XKR7: variants seen among roughly 807,000 people sequenced by gnomAD.
XKR7 encodes XK-related protein 7.
In XKR7, 11 loss-of-function variants were observed where a neutral mutation model predicts 42.2. The observed-to-expected ratio is 0.26, with a 90% confidence interval of 0.16 to 0.43. The LOEUF (loss-of-function observed/expected upper bound fraction) is 0.43, where lower values mean the gene tolerates loss of function less well. Among genes scored for constraint, XKR7 ranks in the 20% least tolerant of loss-of-function variants. The probability of loss-of-function intolerance (pLI) is 1.00; values close to 1 mark genes in which losing one functional copy is unlikely to be tolerated. For synonymous variants in XKR7, 346 were observed against 366.4 expected, an observed-to-expected ratio of 0.94 and a Z score of 0.64; for missense variants, 710 against 802.2, an observed-to-expected ratio of 0.89 and a Z score of 1.39.
chr20:31,993,179 G>T (rs2064577291), intron 1 of XKR7, among the ~76,000 whole-genome samples: 1 of 152,050 alleles, frequency 6.6e-6, no homozygotes, highest in South Asian at 2.1e-4. Flanking sequence ...AGAGTCCTCT[G>T]GTTTGCAGCA....
chr20:31,991,827 C>A (rs2064571600), intron 1 of XKR7, among the ~76,000 whole-genome samples: 1 of 152,198 alleles, frequency 6.6e-6, no homozygotes, highest in South Asian at 2.1e-4. Flanking sequence ...TGCTTTAAAA[C>A]TGAGATCAGG....
At chr20:31,976,594 A>G (rs1403520024) in intron 1 of XKR7, among the ~76,000 whole-genome samples, 9 of 152,126 alleles carry the variant, frequency 5.9e-5, no homozygotes, top group Non-Finnish European at 1.2e-4. Context: ...CATATTGGCC[A>G]GACTGGTCTC....
At chr20:31,994,978 G>GC in intron 1 of XKR7, 90 bp from the exon 2 acceptor site, 1 of 1,509,966 alleles carries the variant, frequency 6.6e-7, no homozygotes, top group Non-Finnish European at 8.8e-7. Context: ...GGAGTGACTT[G>GC]CCCCCTGCGC....
chr20:31,997,341 C>G lies in XKR7; in HGVS notation c.1624C>G (p.Arg542Gly), dbSNP rs1264709223. Reference protein sequence around the residue: ...YPAWDAHFIDRRLRKTILALE... With the variant: ...YPAWDAHFIDGRLRKTILALE... ...GGCCTGGGATGCTCATTTTATTGAC[C>G]GCCGGCTCCGGAAGACCATCCTGGC... The change falls in exon 3 of 3, where the codon CGC (arginine) becomes GGC (glycine). Residue 542 changes from arginine (R) to glycine (G), a missense_variant. Transcript: ENST00000562532. 1 of 1,607,058 alleles carries G rather than the reference C, an allele frequency of 6.2e-7. No homozygotes were observed. Among genetic ancestry groups the G allele is most frequent in the Admixed American group, 1.7e-5 (1 of 60,032 alleles).
chr20:31,973,512 A>AGGGCAGGGAGCTACTGGAG (rs2064473255), intron 1 of XKR7, among the ~76,000 whole-genome samples: 1 of 152,148 alleles, frequency 6.6e-6, no homozygotes. Flanking sequence ...AAAATGAAAC[A>AGGGCAGGGAGCTACTGGAG]GGGCAGGGAG....
rs1301942112 is a variant in XKR7 at position 31,968,985 on chromosome 20, G to A, written c.584+226G>A. On this transcript the variant is annotated intron_variant, in intron 1 of 2. Transcript: ENST00000562532. This position sits in a 1 kb window ranked among gnomAD's most constrained non-coding sequence, Gnocchi z 4.5. ...CCATCCGGTCTGACCTGGCCTTCGA[G>A]AGGGGAGGGGATGGTTCAAGAAAGG... Among the ~76,000 whole-genome samples, 1 of 152,162 alleles carries A rather than the reference G, an allele frequency of 6.6e-6. No individual in the cohort carries two copies. Among genetic ancestry groups the A allele is most frequent in the Non-Finnish European group, 1.5e-5 (1 of 68,046 alleles).
intron 1 of XKR7, among the ~76,000 whole-genome samples, chr20:31,982,996 C>T (rs2064520596): frequency 1.3e-5 from 2 of 152,210 alleles, no homozygotes; most frequent in South Asian, 2.1e-4. Flanking sequence ...GGTCCAGAGA[C>T]GGGAGGCAAC....
intron 1 of XKR7, chr20:31,970,053 ATG>A (rs1217532596): frequency 6.6e-6 from 1 of 152,160 alleles, no homozygotes. Context: ...TGCCAAGATG[ATG>A]TGTATATTCC....
intron 1 of XKR7, among the ~76,000 whole-genome samples, chr20:31,993,121 C>G (rs2064577044): frequency 6.6e-6 from 1 of 151,876 alleles, no homozygotes; most frequent in Non-Finnish European, 1.5e-5. Context: ...CACACATACA[C>G]ATACACACAC....
At chr20:31,971,703 A>G (rs114925703) in intron 1 of XKR7, among the ~76,000 whole-genome samples, 1,902 of 152,282 alleles carry the variant, frequency 0.012, 34 homozygotes, top group African/African-American at 0.043. Context: ...TTCTGAATAA[A>G]ATAATTATAA....
At chr20:31,978,924 C>T (rs2064498135) in intron 1 of XKR7, among the ~76,000 whole-genome samples, 1 of 152,028 alleles carries the variant, frequency 6.6e-6, no homozygotes, top group South Asian at 2.1e-4. Context: ...CACTTGAGGT[C>T]AGGAGTTCAA....
At chr20:31,992,590 T>G (rs1007072766) in intron 1 of XKR7, among the ~76,000 whole-genome samples, 1 of 152,098 alleles carries the variant, frequency 6.6e-6, no homozygotes, top group Admixed American at 6.5e-5. Flanking sequence ...CAGAGGGGGC[T>G]TTGCATTTCC....
intron 1 of XKR7, among the ~76,000 whole-genome samples, chr20:31,983,092 T>A (rs967111350): frequency 6.6e-6 from 1 of 152,204 alleles, no homozygotes; most frequent in South Asian, 2.1e-4. Flanking sequence ...TTCCCTCTGT[T>A]CTTGGCCACT....
At chr20:31,996,024 C>G (rs1196717725) in intron 2 of XKR7, among the ~76,000 whole-genome samples, 1 of 152,040 alleles carries the variant, frequency 6.6e-6, no homozygotes, top group Non-Finnish European at 1.5e-5. Flanking sequence ...TCCCCATCCC[C>G]GCCCCTCAGC....
At chr20:31,972,711 G>A (rs1426503394) in intron 1 of XKR7, among the ~76,000 whole-genome samples, 1 of 152,156 alleles carries the variant, frequency 6.6e-6, no homozygotes, top group Non-Finnish European at 1.5e-5. Flanking sequence ...CCAGGCTTTC[G>A]GGATCTGGGA....
Position 31,968,607 on chromosome 20 carries a change from C to T in XKR7, c.432C>T (p.Ser144=). ...AGGAAISTKD[S]AGAFRTKEGS... ...GAGCCGCCATCAGCACCAAGGACAG[C>T]GCCGGCGCCTTCCGGACCAAAGAAG... The change falls in exon 1 of 3, where the codon AGC becomes AGT. Residue 144 remains serine, a synonymous_variant. Transcript: ENST00000562532. This position sits in a 1 kb window ranked among gnomAD's most constrained non-coding sequence, Gnocchi z 4.5. 1 of 1,605,842 alleles carries T rather than the reference C, an allele frequency of 6.2e-7. No homozygotes were observed. Among genetic ancestry groups the T allele is most frequent in the African/African-American group, 1.3e-5 (1 of 75,012 alleles).
At chr20:31,990,324 C>T (rs1397100262) in intron 1 of XKR7, among the ~76,000 whole-genome samples, 3 of 152,174 alleles carry the variant, frequency 2.0e-5, no homozygotes, top group Non-Finnish European at 2.9e-5. Context: ...AGCCACTGCA[C>T]CCTGCCCCAT....
At chr20:31,990,875 A>G (rs2064567508) in intron 1 of XKR7, among the ~76,000 whole-genome samples, 1 of 152,034 alleles carries the variant, frequency 6.6e-6, no homozygotes, top group Non-Finnish European at 1.5e-5. Flanking sequence ...GAACAGCCAC[A>G]GTTTTGCTCC....
chr20:31,986,937 C>T (rs1032224379), intron 1 of XKR7, among the ~76,000 whole-genome samples: 7 of 149,072 alleles, frequency 4.7e-5, no homozygotes, highest in African/African-American at 9.9e-5. Flanking sequence ...GACAAACAGA[C>T]GACCAAGCAG....
Sources: allele counts gnomAD v4.1 joint callset (sites outside exome capture counted in the v4.1 genomes callset), GRCh38; gene constraint gnomAD v4.1.1; non-coding constraint Gnocchi (gnomAD v3.1); transcripts MANE v1.5; gene names NCBI Gene and HGNC (gene_info 2026-07-23, HGNC 2026-07-21).